UPP2: variants seen among roughly 807,000 people sequenced by gnomAD.
The protein encoded by UPP2 is UPase 2.
A neutral mutation model predicts 26.7 loss-of-function variants in UPP2; 23 were observed. The observed-to-expected ratio is 0.86, with a 90% confidence interval of 0.62 to 1.22. The LOEUF (loss-of-function observed/expected upper bound fraction) is 1.22. Among genes scored for constraint, UPP2 ranks in the 50% most tolerant of loss-of-function variants. The pLI is 0.00. For synonymous variants in UPP2, 127 were observed against 141.3 expected (o/e 0.90, Z 0.72); for missense variants, 387 against 396.7 (o/e 0.98, Z 0.21).
At chr2:158,100,211 C>T (rs1478945948), upstream of UPP2, among the ~76,000 whole-genome samples, 1 of 152,230 alleles carries the variant, frequency 6.6e-6, no homozygotes, top group South Asian at 2.1e-4. Flanking sequence ...TTATTCTGAA[C>T]TTCATCCAAA....
At chr2:158,130,404 T>C (rs1303350816) in intron 6 of UPP2, among the ~76,000 whole-genome samples, 1 of 150,896 alleles carries the variant, frequency 6.6e-6, no homozygotes, top group Non-Finnish European at 1.5e-5. Flanking sequence ...TGAGCTGAGA[T>C]TGCACCACTG....
intron 4 of UPP2, 90 bp from the exon 5 acceptor site, chr2:158,121,319 T>C (rs1410814527): frequency 2.5e-5 from 28 of 1,140,532 alleles, no homozygotes; most frequent in Non-Finnish European, 3.7e-5. Flanking sequence ...CATTAGCAGC[T>C]AGCATTAATA....
intron 1 of UPP2, among the ~76,000 whole-genome samples, chr2:158,104,949 A>G (rs1234958338): frequency 3.5e-4 from 20 of 56,672 alleles, no homozygotes; most frequent in African/African-American, 2.2e-3. Flanking sequence ...AGGGAAGGGA[A>G]GGGAAGGGAA....
chr2:158,117,769 C>G, intron 3 of UPP2, 55 bp from the exon 4 acceptor site: 2 of 1,296,384 alleles, frequency 1.5e-6, no homozygotes, highest in Non-Finnish European at 2.2e-6. Context: ...GAAATTATGT[C>G]CTGTTCATGT....
At chr2:158,118,464 G>C (rs1683489524) in intron 4 of UPP2, among the ~76,000 whole-genome samples, 1 of 151,936 alleles carries the variant, frequency 6.6e-6, no homozygotes, top group African/African-American at 2.4e-5. Context: ...GAAGGCTTAA[G>C]TGATGCTTCC....
chr2:158,075,705 T>A (rs1321834939), intron 3 of UPP2, among the ~76,000 whole-genome samples: 2 of 151,938 alleles, frequency 1.3e-5, no homozygotes, highest in South Asian at 2.1e-4. Context: ...AAGAGGAGAA[T>A]TTATAGCTAT....
chr2:158,054,530 T>C (rs1682217341), intron 3 of UPP2, among the ~76,000 whole-genome samples: 1 of 152,140 alleles, frequency 6.6e-6, no homozygotes, highest in African/African-American at 2.4e-5. Flanking sequence ...GAGATTGTGC[T>C]GAAATTTCTG....
intron 3 of UPP2, among the ~76,000 whole-genome samples, chr2:158,090,217 T>C (rs1015800046): frequency 2.0e-5 from 3 of 152,142 alleles, no homozygotes; most frequent in South Asian, 2.1e-4. Context: ...AAACATCAAA[T>C]GTAGGCCGGG....
intron 3 of UPP2, among the ~76,000 whole-genome samples, chr2:158,059,553 G>A (rs1574268119): frequency 6.6e-6 from 1 of 152,170 alleles, no homozygotes; most frequent in African/African-American, 2.4e-5. Flanking sequence ...CCAAACTTAA[G>A]CACCTTGCTG....
intron 6 of UPP2, chr2:158,133,944 AG>A (rs1683877170): frequency 6.6e-6 from 1 of 152,380 alleles, no homozygotes; most frequent in Non-Finnish European, 1.5e-5. Context: ...TTGAAATCAA[AG>A]ATTTGATATG....
At chr2:158,020,135 A>T (rs1033879636) in intron 3 of UPP2, among the ~76,000 whole-genome samples, 35 of 152,082 alleles carry the variant, frequency 2.3e-4, no homozygotes, top group Non-Finnish European at 3.5e-4. Context: ...TGTTTTTTTT[A>T]AAAAAAGCCT....
At chr2:158,016,147 T>A (rs1178713990) in intron 3 of UPP2, among the ~76,000 whole-genome samples, 1 of 117,294 alleles carries the variant, frequency 8.5e-6, no homozygotes, top group Non-Finnish European at 1.7e-5. Context: ...AACTAACAGA[T>A]TTTTTTTTTA....
intron 2 of UPP2, among the ~76,000 whole-genome samples, chr2:157,998,157 A>T (rs1297115610): frequency 6.6e-6 from 1 of 152,094 alleles, no homozygotes; most frequent in African/African-American, 2.4e-5. Flanking sequence ...ATTGACTAAA[A>T]CTTGGACTCA....
chr2:158,022,231 G>A (rs970531156), intron 3 of UPP2, among the ~76,000 whole-genome samples: 1 of 151,904 alleles, frequency 6.6e-6, no homozygotes, highest in Non-Finnish European at 1.5e-5. Context: ...AGGCCGAGGC[G>A]GGCGAATCAC....
At chr2:158,124,233 A>G (rs1683640922) in intron 6 of UPP2, among the ~76,000 whole-genome samples, 1 of 152,194 alleles carries the variant, frequency 6.6e-6, no homozygotes, top group African/African-American at 2.4e-5. Context: ...TATTCCTAAA[A>G]TAGTCCATCA....
rs1363195587 is a variant in UPP2 at position 158,121,400 on chromosome 2, A to T, written c.455-9A>T. On this transcript the variant is annotated splice_polypyrimidine_tract_variant and intron_variant, in intron 4 of 6. Coordinates refer to ENST00000005756, the MANE Select transcript of UPP2 (RefSeq NM_173355.4). ...TATTCTTCTGTAATCATTTATTCCC[A>T]CATTGCAGGGATTGCACCAGGGACT... The T allele has an allele frequency of 6.2e-7, 1 of 1,607,098 alleles. No individual in the cohort carries two copies. The highest frequency in any genetic ancestry group is 2.2e-5 in the East Asian group (1 of 44,864).
At position 158,065,630 on chromosome 2, in the gene UPP2, A is replaced by G. The variant is rs1435406247; in HGVS notation, c.148-36410A>G. On this transcript the variant is annotated intron_variant, in intron 3 of 9. Coordinates refer to the UPP2 transcript ENST00000605860. The stretch of plus-strand genomic sequence containing the variant: ...TACTACACACAACCCAACCAATGTG[A>G]CCTTAAACAAATTCGTAGAGGAACT... 3 of 574,632 alleles carry G rather than the reference A, an allele frequency of 5.2e-6. No homozygotes were observed. In the East Asian group the frequency reaches 1.1e-4, roughly 22 times the overall value. The allele number at this position is 574,632 out of a possible 1,614,324, so 35.6% of individuals were successfully genotyped here.
chr2:157,996,880 TC>T (rs1334117569), intron 2 of UPP2, among the ~76,000 whole-genome samples: 9 of 152,260 alleles, frequency 5.9e-5, no homozygotes, highest in Non-Finnish European at 1.2e-4. Flanking sequence ...TAACTTGGAT[TC>T]TGAAAAGACA....
intron 6 of UPP2, chr2:158,133,780 C>T (rs927326609): frequency 2.0e-5 from 3 of 152,224 alleles, no homozygotes; most frequent in East Asian, 3.9e-4. Flanking sequence ...CCAACTCTCT[C>T]CATGCCTTCC....
Sources: allele counts gnomAD v4.1 joint callset (sites outside exome capture counted in the v4.1 genomes callset), GRCh38; gene constraint gnomAD v4.1.1; transcripts MANE v1.5; gene names NCBI Gene and HGNC (gene_info 2026-07-23, HGNC 2026-07-21).